Variants in AK8 observed in about 807,000 individuals in gnomAD.
AK8 encodes adenylate kinase 8.
In AK8, 44 loss-of-function variants were observed where a neutral mutation model predicts 54.6. The observed-to-expected ratio is 0.81, with a 90% CI of 0.63 to 1.04. The LOEUF is 1.04. Ranked by LOEUF, AK8 falls within the 50% of genes least tolerant of loss-of-function variation. AK8 has a pLI of 0.00. For missense variants in AK8, 555 were observed against 613.6 expected (o/e 0.90, Z 1.01); for synonymous variants, 239 against 245.6 (o/e 0.97, Z 0.25).
intron 11 of AK8, among the ~76,000 whole-genome samples, chr9:132,745,060 C>T (rs924136089): frequency 1.2e-4 from 18 of 152,292 alleles, no homozygotes; most frequent in Middle Eastern, 3.4e-3. Flanking sequence ...ACGGCCCCCA[C>T]CTATTTCCCC....
At chr9:132,753,134 C>A (rs1024838073) in intron 11 of AK8, among the ~76,000 whole-genome samples, 5 of 152,198 alleles carry the variant, frequency 3.3e-5, no homozygotes, top group Admixed American at 3.3e-4. Context: ...GGGAATCACG[C>A]CGCATTCCCA....
chr9:132,762,112 T>C (rs1299598515), intron 11 of AK8, among the ~76,000 whole-genome samples: 1 of 152,206 alleles, frequency 6.6e-6, no homozygotes, highest in Non-Finnish European at 1.5e-5. Flanking sequence ...ATAAGTGATC[T>C]GCCCACCTTG....
At chr9:132,807,889 T>C (rs1010356254) in intron 10 of AK8, among the ~76,000 whole-genome samples, 8 of 152,128 alleles carry the variant, frequency 5.3e-5, no homozygotes, top group African/African-American at 1.7e-4. Context: ...TCGGTAGGAA[T>C]GGAGCTATGG....
chr9:132,746,176 G>A (rs973893755), intron 11 of AK8, among the ~76,000 whole-genome samples: 1 of 50,838 alleles, frequency 2.0e-5, no homozygotes, highest in African/African-American at 6.9e-5. Flanking sequence ...CTCTCCTCTC[G>A]CTTCCAAGCC....
At chr9:132,739,035 A>G (rs888906814) in intron 11 of AK8, among the ~76,000 whole-genome samples, 1 of 151,450 alleles carries the variant, frequency 6.6e-6, no homozygotes, top group Non-Finnish European at 1.5e-5. Context: ...GATTATAGGC[A>G]TGAGCCACCA....
intron 10 of AK8, among the ~76,000 whole-genome samples, chr9:132,808,888 G>C (rs559359376): frequency 6.2e-4 from 95 of 152,302 alleles, no homozygotes; most frequent in African/African-American, 2.2e-3. Flanking sequence ...GTACCCACCA[G>C]GGCAATGAGG....
At chr9:132,750,345 CTGACCTCAAG>C in intron 11 of AK8, among the ~76,000 whole-genome samples, 1 of 152,042 alleles carries the variant, frequency 6.6e-6, no homozygotes, top group Non-Finnish European at 1.5e-5. Flanking sequence ...TGTCCAAATC[CTGACCTCAAG>C]TGAGCCACCC....
chr9:132,828,403 A>G (rs971823193), intron 6 of AK8, among the ~76,000 whole-genome samples: 50 of 152,248 alleles, frequency 3.3e-4, no homozygotes, highest in Admixed American at 2.2e-3. Flanking sequence ...CTATGCATAG[A>G]ATATGCATTT....
intron 12 of AK8, among the ~76,000 whole-genome samples, chr9:132,726,152 G>A (rs1046143454): frequency 2.6e-5 from 4 of 152,124 alleles, no homozygotes; most frequent in African/African-American, 9.7e-5. Context: ...AGAGAGATCA[G>A]TGATAGGAGG....
intron 11 of AK8, among the ~76,000 whole-genome samples, chr9:132,765,390 T>C (rs1046171866): frequency 2.8e-5 from 4 of 145,362 alleles, no homozygotes; most frequent in African/African-American, 1.0e-4. Context: ...ATAAATGCAA[T>C]AGATCACACC....
At chr9:132,731,119 A>G (rs528260098) in intron 11 of AK8, among the ~76,000 whole-genome samples, 2 of 152,330 alleles carry the variant, frequency 1.3e-5, no homozygotes, top group East Asian at 3.9e-4. Context: ...CCTAAAGTCT[A>G]AATTCTAATG....
intron 7 of AK8, among the ~76,000 whole-genome samples, chr9:132,827,647 C>T (rs1357976870): frequency 6.6e-6 from 1 of 152,198 alleles, no homozygotes; most frequent in Non-Finnish European, 1.5e-5. Context: ...CCTCTCTCTC[C>T]TGTATAAATA....
intron 10 of AK8, among the ~76,000 whole-genome samples, chr9:132,808,028 T>C (rs547685): frequency 0.28 from 42,817 of 151,860 alleles, 6,188 homozygotes; most frequent in East Asian, 0.49. Context: ...GTACACATGC[T>C]GTAGAACACG....
Position 132,828,642 on chromosome 9 carries a change from C to G in AK8, c.484+3G>C, listed in dbSNP as rs1841979458. The G allele has an allele frequency of 6.2e-7, 1 of 1,610,814 alleles. No individual in the cohort carries two copies. Among genetic ancestry groups the G allele is most frequent in the Non-Finnish European group, 8.5e-7 (1 of 1,178,700 alleles). ...AGGTGGGGGACCCTTGGGAGCTACT[C>G]ACTGACGTGTCTGGGTGTGATCCCC... On this transcript the variant is annotated splice_donor_region_variant and intron_variant, in intron 6 of 12. Transcript: ENST00000298545.
intron 4 of AK8, among the ~76,000 whole-genome samples, chr9:132,856,106 C>T (rs1304968537): frequency 6.6e-6 from 1 of 152,208 alleles, no homozygotes. Context: ...GTCGCTGAGG[C>T]CTGGCCTGTG....
intron 11 of AK8, among the ~76,000 whole-genome samples, chr9:132,748,217 G>C (rs1347148690): frequency 2.0e-5 from 3 of 151,640 alleles, no homozygotes; most frequent in Admixed American, 2.0e-4. Flanking sequence ...GTAGATAACC[G>C]TAAGACTGGA....
At chr9:132,730,021 G>T (rs1027617442) in intron 11 of AK8, among the ~76,000 whole-genome samples, 2 of 152,168 alleles carry the variant, frequency 1.3e-5, no homozygotes, top group Non-Finnish European at 2.9e-5. Context: ...TGTGTTTTCA[G>T]CGGTGCCCAG....
chr9:132,776,252 C>G (rs976185348), intron 11 of AK8, among the ~76,000 whole-genome samples: 1 of 152,240 alleles, frequency 6.6e-6, no homozygotes. Flanking sequence ...CTGGCCACAA[C>G]CTTGGGCTCG....
chr9:132,834,167 A>T (rs1461575790), intron 5 of AK8, among the ~76,000 whole-genome samples: 1 of 152,376 alleles, frequency 6.6e-6, no homozygotes, highest in East Asian at 1.9e-4. Flanking sequence ...GAGGCACTGC[A>T]GGCTGAACGC....
Sources: allele counts gnomAD v4.1 joint callset (sites outside exome capture counted in the v4.1 genomes callset), GRCh38; gene constraint gnomAD v4.1.1; transcripts MANE v1.5; gene names NCBI Gene and HGNC (gene_info 2026-07-23, HGNC 2026-07-21).